Variants in PCDH7 observed in about 807,000 individuals in gnomAD.
The protein encoded by PCDH7 is protocadherin-7.
PCDH7 carries 17 observed loss-of-function variants against 58.9 expected under a neutral mutation model. The ratio of observed to expected loss-of-function variants is 0.29; its 90% CI spans 0.20 to 0.43. PCDH7 has a LOEUF of 0.43. Ranked by LOEUF, PCDH7 falls within the 20% of genes least tolerant of loss-of-function variation. The pLI, the probability that PCDH7 is intolerant of heterozygous loss-of-function variation, is 1.00. For synonymous variants in PCDH7, 664 were observed against 616.4 expected (o/e 1.08, Z -1.14); for missense variants, 1,274 against 1,441.0 (o/e 0.88, Z 1.88).
At chr4:30,781,996 G>C (rs747028251) in intron 1 of PCDH7, among the ~76,000 whole-genome samples, 39 of 152,292 alleles carry the variant, frequency 2.6e-4, no homozygotes, top group Non-Finnish European at 4.0e-4. Context: ...TGGATAGAAT[G>C]AGTCTTTTAA....
chr4:30,964,317 C>T (rs1489689788), intron 3 of PCDH7, among the ~76,000 whole-genome samples: 1 of 151,422 alleles, frequency 6.6e-6, no homozygotes, highest in African/African-American at 2.4e-5. Flanking sequence ...TCTCGGCTCA[C>T]TGCAAGCTCT....
intron 1 of PCDH7, among the ~76,000 whole-genome samples, chr4:30,902,365 C>T (rs1193769787): frequency 6.6e-6 from 1 of 152,044 alleles, no homozygotes; most frequent in African/African-American, 2.4e-5. Context: ...AATTCATGAT[C>T]TGCCAATGTA....
chr4:30,859,692 G>A (rs150330242), intron 1 of PCDH7, among the ~76,000 whole-genome samples: 14 of 152,050 alleles, frequency 9.2e-5, no homozygotes, highest in African/African-American at 2.9e-4. Flanking sequence ...CACCAGCCTC[G>A]ACCCCGCAAA....
chr4:30,954,389 C>T lies in PCDH7; in HGVS notation c.*7+4174C>T, dbSNP rs527510308. Among the ~76,000 whole-genome samples the T allele has an allele frequency of 2.6e-5, 4 of 152,132 alleles. No individual in the cohort carries two copies. The South Asian group carries it at 8.3e-4, about 32-fold the overall frequency. On this transcript the variant is annotated intron_variant, in intron 3 of 3. Coordinates refer to the PCDH7 transcript ENST00000509759. ...ATTGTGTGACTTTGTACAATATTCT[C>T]AAGAGTTCCAGTGCTGACATAAATT...
In PCDH7 at chr4:30,721,776, G is replaced by A; in HGVS notation, c.354G>A (p.Gly118=). 1.2e-6 allele frequency: 2 copies of A among 1,613,668 alleles called. No individual in the cohort carries two copies. The highest frequency in any genetic ancestry group is 2.2e-5 in the East Asian group (1 of 44,834). Residue 118 remains glycine (G), a synonymous_variant, in exon 1 of 2, where the codon GGG becomes GGA. Coordinates refer to ENST00000361762, the Ensembl canonical transcript of PCDH7. The surrounding 1 kb of genome is among the most constrained non-coding windows in gnomAD (Gnocchi z 6.7). ...TGGACTTCGAGGTGTCGGTGATCGG[G>A]CCCTCGCAGAGCTGGGTGGACCTGT... is the stretch of plus-strand genomic sequence containing the variant.
At chr4:30,960,911 G>A (rs1378986195) in intron 3 of PCDH7, among the ~76,000 whole-genome samples, 4 of 152,168 alleles carry the variant, frequency 2.6e-5, no homozygotes, top group African/African-American at 9.6e-5. Flanking sequence ...TTTAATCTGA[G>A]TAAACTTTGT....
chr4:30,781,503 G>C (rs1024207659), intron 1 of PCDH7, among the ~76,000 whole-genome samples: 2 of 151,112 alleles, frequency 1.3e-5, no homozygotes, highest in African/African-American at 4.9e-5. Flanking sequence ...AAGTATCTAT[G>C]ATGAGGAATT....
rs929498643 is a variant in PCDH7, at chr4:31,142,930, T to C, written c.*465T>C. On this transcript the variant is annotated 3_prime_UTR_variant, in exon 4 of 4. Transcript: ENST00000509759. Reference sequence around the variant, plus strand: ...CAAAAACCTTACAAAGCAAAACGTTTAATCACAAAGAGGGGGCTACCAAAG... The same window carrying C: ...CAAAAACCTTACAAAGCAAAACGTTCAATCACAAAGAGGGGGCTACCAAAG... 2.3e-5 allele frequency: 25 copies of C among 1,087,890 alleles called. No individual in the cohort carries two copies. In the Admixed American group the frequency reaches 5.5e-4, roughly 24 times the overall value. The allele number at this position is 1,087,890 out of a possible 1,614,324, so 67.4% of individuals were successfully genotyped here.
intron 1 of PCDH7, among the ~76,000 whole-genome samples, chr4:30,838,251 T>C (rs936369224): frequency 1.3e-5 from 2 of 152,094 alleles, no homozygotes; most frequent in African/African-American, 4.8e-5. Flanking sequence ...AAATAAAACA[T>C]TTTTTAAAGA....
intron 2 of PCDH7, among the ~76,000 whole-genome samples, chr4:30,942,793 A>G (rs1361021714): frequency 6.6e-6 from 1 of 152,028 alleles, no homozygotes; most frequent in Admixed American, 6.6e-5. Flanking sequence ...ACTTATTACT[A>G]AAATATTGTT....
At chr4:30,892,902 C>A (rs2109385471) in intron 1 of PCDH7, among the ~76,000 whole-genome samples, 1 of 152,164 alleles carries the variant, frequency 6.6e-6, no homozygotes, top group Admixed American at 6.5e-5. Context: ...TGGCCCCTCC[C>A]ATCAGTTTAT....
chr4:30,919,406 A>G (rs1335449276), intron 1 of PCDH7, among the ~76,000 whole-genome samples: 1 of 152,138 alleles, frequency 6.6e-6, no homozygotes, highest in Non-Finnish European at 1.5e-5. Flanking sequence ...GTTCAACTGG[A>G]TAGTTTCATA....
chr4:31,057,060 G>A (rs1197626689), intron 3 of PCDH7, among the ~76,000 whole-genome samples: 1 of 152,120 alleles, frequency 6.6e-6, no homozygotes. Context: ...CTTTGTTTAA[G>A]TCTATTCATT....
At chr4:31,127,335 G>A (rs1297057190) in intron 3 of PCDH7, among the ~76,000 whole-genome samples, 2 of 152,094 alleles carry the variant, frequency 1.3e-5, no homozygotes, top group Admixed American at 6.6e-5. Context: ...TTTGTTAAGC[G>A]CAGACACGTT....
intron 1 of PCDH7, among the ~76,000 whole-genome samples, chr4:30,856,340 G>T (rs1378299131): frequency 6.6e-6 from 1 of 151,996 alleles, no homozygotes; most frequent in African/African-American, 2.4e-5. Context: ...TACTGGAGTC[G>T]TATTAATCCT....
At chr4:30,893,008 T>C (rs527647954) in intron 1 of PCDH7, among the ~76,000 whole-genome samples, 66 of 152,036 alleles carry the variant, frequency 4.3e-4, no homozygotes, top group Non-Finnish European at 8.4e-4. Flanking sequence ...AACAGCTGCC[T>C]CTGCATCAAG....
intron 1 of PCDH7, among the ~76,000 whole-genome samples, chr4:30,864,381 G>T (rs1484872336): frequency 6.6e-6 from 1 of 151,492 alleles, no homozygotes; most frequent in African/African-American, 2.4e-5. Context: ...GTTATTATGA[G>T]AAAGTCCTTA....
At chr4:30,836,307 T>A (rs761182988) in intron 1 of PCDH7, among the ~76,000 whole-genome samples, 10 of 152,184 alleles carry the variant, frequency 6.6e-5, no homozygotes, top group African/African-American at 2.4e-4. Context: ...GAATAAAATG[T>A]TTGCATACAA....
At chr4:31,125,555 T>C (rs1455942000) in intron 3 of PCDH7, among the ~76,000 whole-genome samples, 1 of 152,238 alleles carries the variant, frequency 6.6e-6, no homozygotes, top group Admixed American at 6.5e-5. Context: ...GTGCAAGTGA[T>C]ATGCATTCTG....
Sources: allele counts gnomAD v4.1 joint callset (sites outside exome capture counted in the v4.1 genomes callset), GRCh38; gene constraint gnomAD v4.1.1; non-coding constraint Gnocchi (gnomAD v3.1); transcripts MANE v1.5; gene names NCBI Gene and HGNC (gene_info 2026-07-23, HGNC 2026-07-21).